Variants in MYH13 observed in about 807,000 individuals in gnomAD.
MYH13 encodes the protein myosin-13.
MYH13 carries 177 observed loss-of-function variants against 232.1 expected under a neutral mutation model. The ratio of observed to expected loss-of-function variants is 0.76; its 90% CI spans 0.67 to 0.86. The LOEUF (loss-of-function observed/expected upper bound fraction) is 0.86. Ranked by LOEUF, MYH13 falls within the 40% of genes least tolerant of loss-of-function variation. MYH13 has a pLI of 0.00. For missense variants in MYH13, 2,246 were observed against 2,405.9 expected, an observed-to-expected ratio of 0.93 and a Z score of 1.39; for synonymous variants, 884 against 923.5, an observed-to-expected ratio of 0.96 and a Z score of 0.78.
In MYH13 at chr17:10,309,687, G is replaced by T. The variant is rs775375378; in HGVS notation, c.4800C>A (p.Ala1600=). Residue 1600 remains alanine (A), a synonymous_variant, in exon 34 of 41, where the codon GCC becomes GCA. Coordinates refer to ENST00000252172, the MANE Select transcript of MYH13 (RefSeq NM_003802.3). ...TTTCAGCATCCAGCACGCTCTGCAGGGCCTCTGCTGCCCGCTGGCTGTTTC... is the reference window on the plus strand; with the variant it reads ...TTTCAGCATCCAGCACGCTCTGCAGTGCCTCTGCTGCCCGCTGGCTGTTTC... ...LKRNSQRAAE[A]LQSVLDAEIR... is the part of the protein sequence containing the mutation. 1 of 1,609,024 alleles carries T rather than the reference G, an allele frequency of 6.2e-7. No individual in the cohort carries two copies. Among genetic ancestry groups the T allele is most frequent in the Non-Finnish European group, 8.5e-7 (1 of 1,177,614 alleles).
At chr17:10,309,923 T>C in intron 33 of MYH13, 93 bp from the exon 34 acceptor site, 1 of 1,080,394 alleles carries the variant, frequency 9.3e-7, no homozygotes, top group Non-Finnish European at 1.2e-6. Context: ...GGGTATGCGT[T>C]TTTTTAAAAA....
intron 24 of MYH13, among the ~76,000 whole-genome samples, 189 bp downstream of exon 24, chr17:10,321,343 G>A (rs1411136810): frequency 3.9e-5 from 6 of 152,116 alleles, no homozygotes; most frequent in Non-Finnish European, 1.5e-5. Flanking sequence ...CACAAACTGA[G>A]GCTTTGCAAG....
At chr17:10,302,398 A>T (rs1906125256) in intron 39 of MYH13, among the ~76,000 whole-genome samples, 1 of 152,194 alleles carries the variant, frequency 6.6e-6, no homozygotes, top group African/African-American at 2.4e-5. Context: ...AAGGTTCTAA[A>T]GTCAATGAAG....
At chr17:10,350,436 A>G (rs1002813439) in intron 12 of MYH13, 120 bp downstream of exon 12, 2 of 1,426,222 alleles carry the variant, frequency 1.4e-6, no homozygotes, top group Non-Finnish European at 1.9e-6. Flanking sequence ...GGAAACCCAG[A>G]TTTGATTTAT....
intron 16 of MYH13, among the ~76,000 whole-genome samples, 174 bp downstream of exon 16, chr17:10,343,626 C>T (rs1347084964): frequency 6.6e-6 from 1 of 152,104 alleles, no homozygotes; most frequent in African/African-American, 2.4e-5. Flanking sequence ...CCATAGAGCC[C>T]AGTCTCTTAC....
Position 10,312,046 on chromosome 17 carries a change from C to T in MYH13, c.4396G>A (p.Glu1466Lys), listed in dbSNP as rs775118096. Residue 1466 changes from glutamate (E) to lysine (K), a missense_variant, in exon 32 of 41, where the codon GAA (glutamate) becomes AAA (lysine). Transcript: ENST00000252172. ...GCAGCTTCCAACTCAGCCTGGCTTT[C>T]GTCCAGCTTTTGCTTCCACTCTGCA... ...VLAEWKQKLD[E>K]SQAELEAAQK... 40 of 1,613,790 alleles carry T rather than the reference C, an allele frequency of 2.5e-5. No homozygotes were observed. The highest frequency in any genetic ancestry group is 3.2e-5 in the Non-Finnish European group (38 of 1,179,892).
chr17:10,323,821 A>C (rs1366329666), intron 23 of MYH13, among the ~76,000 whole-genome samples: 1 of 150,030 alleles, frequency 6.7e-6, no homozygotes. Flanking sequence ...GAAGAAGAAG[A>C]AGAAGAAGAA....
chr17:10,312,664 C>T lies in MYH13; in HGVS notation c.4275G>A (p.Leu1425=). 6.2e-7 allele frequency: 1 copy of T among 1,613,526 alleles called. No homozygotes were observed. Among genetic ancestry groups the T allele is most frequent in the Non-Finnish European group, 8.5e-7 (1 of 1,179,726 alleles). ...GCATCAGATCCTCCACCTCTCCCTGCAGCCTCTGCTTGGTTTTCTCCAACG... is the reference window on the plus strand; with the variant it reads ...GCATCAGATCCTCCACCTCTCCCTGTAGCCTCTGCTTGGTTTTCTCCAACG... ...CASLEKTKQR[L]QGEVEDLMRD... The change falls in exon 31 of 41, where the codon CTG becomes CTA. Residue 1425 remains leucine, a synonymous_variant. Coordinates refer to ENST00000252172, the MANE Select transcript of MYH13 (RefSeq NM_003802.3).
Position 10,343,939 on chromosome 17 carries a change from G to A in MYH13, c.1755C>T (p.Ala585=), listed in dbSNP as rs1040817237. ...CGGCGATGTTGTAGTCCACGGTGCC[G>A]GCATAGTGCACCAGCGAGAAGTGAG... The part of the protein sequence containing the change: ...AEAHFSLVHY[A]GTVDYNIAGW... Residue 585 remains alanine, a synonymous_variant, in exon 16 of 41, where the codon GCC becomes GCT. Transcript: ENST00000252172. 6 of 1,614,202 alleles carry A rather than the reference G, an allele frequency of 3.7e-6. No homozygotes were observed. The highest frequency in any genetic ancestry group is 2.2e-5 in the South Asian group (2 of 91,084).
chr17:10,306,169 T>A lies in MYH13; in HGVS notation c.5466+290A>T, dbSNP rs1239075866. 6.6e-6 allele frequency among the ~76,000 whole-genome samples: 1 copy of A among 150,962 alleles called. No individual in the cohort carries two copies. The highest frequency in any genetic ancestry group is 1.5e-5 in the Non-Finnish European group (1 of 67,928). ...TGCATAGCAAATGGAATGTGAACAT[T>A]AACATACATCATTATATTACATTTA... On this transcript the variant is annotated intron_variant, in intron 37 of 40. Transcript: ENST00000252172. This position sits in a 1 kb window ranked among gnomAD's most constrained non-coding sequence, Gnocchi z 4.3.
At chr17:10,353,759 G>C (rs1253645828) in intron 11 of MYH13, among the ~76,000 whole-genome samples, 1 of 152,086 alleles carries the variant, frequency 6.6e-6, no homozygotes, top group Non-Finnish European at 1.5e-5. Context: ...TGTAGTTCCA[G>C]CTACTTGGGA....
chr17:10,302,329 C>G (rs1432035442), intron 39 of MYH13, among the ~76,000 whole-genome samples: 3 of 152,162 alleles, frequency 2.0e-5, no homozygotes, highest in African/African-American at 7.2e-5. Context: ...CCAGGGCAGA[C>G]TCCCCTAAAT....
At chr17:10,323,996 T>A (rs1431432955) in intron 23 of MYH13, 26 bp downstream of exon 23, 1 of 1,612,518 alleles carries the variant, frequency 6.2e-7, no homozygotes, top group Non-Finnish European at 8.5e-7. Flanking sequence ...GTTAAGACAC[T>A]GTGGGAGTCC....
Position 10,306,730 on chromosome 17 carries a change from T to A in MYH13, c.5296-101A>T. The A allele has an allele frequency of 6.4e-7, 1 of 1,552,002 alleles. No individual in the cohort carries two copies. Among genetic ancestry groups the A allele is most frequent in the Non-Finnish European group, 8.7e-7 (1 of 1,150,876 alleles). ...TGGGATCATGGTGCTGAGCCTCCCC[T>A]GTCTGACTGGGGCCAGTCATTGCTG... On this transcript the variant is annotated intron_variant, in intron 36 of 40. Coordinates refer to ENST00000252172, the MANE Select transcript of MYH13 (RefSeq NM_003802.3). This position sits in a 1 kb window ranked among gnomAD's most constrained non-coding sequence, Gnocchi z 4.3.
rs373889360 is a variant in MYH13 at position 10,312,559 on chromosome 17, C to A, written c.4365+15G>T. On this transcript the variant is annotated intron_variant, in intron 31 of 40. Coordinates refer to ENST00000252172, the MANE Select transcript of MYH13 (RefSeq NM_003802.3). Reference sequence around the variant, plus strand: ...CCTCATGCCATCTTCACAAAGAAAGCGGCTGGGGAAGGACCTTGTCGAAGT... The same window carrying A: ...CCTCATGCCATCTTCACAAAGAAAGAGGCTGGGGAAGGACCTTGTCGAAGT... 1.2e-6 allele frequency: 2 copies of A among 1,602,802 alleles called. No homozygotes were observed. Among genetic ancestry groups the A allele is most frequent in the Non-Finnish European group, 8.5e-7 (1 of 1,174,522 alleles).
At chr17:10,333,227 C>A (rs1442533198) in intron 18 of MYH13, 36 bp from the exon 19 acceptor site, 1 of 1,419,122 alleles carries the variant, frequency 7.0e-7, no homozygotes, top group Non-Finnish European at 9.7e-7. Context: ...TGCCTGTGAC[C>A]CCTTCATTTG....
intron 16 of MYH13, chr17:10,341,121 C>T (rs1035309458): frequency 2.6e-5 from 4 of 151,870 alleles, no homozygotes; most frequent in African/African-American, 7.3e-5. Flanking sequence ...TGGCTCACTG[C>T]AACCTTCGTT....
intron 13 of MYH13, among the ~76,000 whole-genome samples, chr17:10,345,991 C>CAAAAAA (rs1211414796): frequency 2.0e-4 from 17 of 83,050 alleles, no homozygotes; most frequent in Non-Finnish European, 2.4e-4. Flanking sequence ...GACTCTGTCT[C>CAAAAAA]AAAAAAAAAA....
intron 27 of MYH13, among the ~76,000 whole-genome samples, 157 bp downstream of exon 27, chr17:10,318,633 G>A (rs1375643541): frequency 6.6e-6 from 1 of 152,196 alleles, no homozygotes; most frequent in Non-Finnish European, 1.5e-5. Flanking sequence ...GACAAAGGAC[G>A]TGAGTAAATT....
Sources: gnomAD v4.1 joint callset for allele counts (sites outside exome capture counted in the v4.1 genomes callset) on GRCh38, gnomAD v4.1.1 for gene constraint, Gnocchi (gnomAD v3.1) non-coding constraint, MANE v1.5 for transcripts, NCBI Gene and HGNC (gene_info 2026-07-23, HGNC 2026-07-21) for gene names.